The following FGF12 variants were observed in gnomAD, a reference collection of about 807,000 sequenced individuals.
FGF12 encodes fibroblast growth factor 12.
A neutral mutation model predicts 23.6 loss-of-function variants in FGF12; 14 were observed. The ratio of observed to expected loss-of-function variants is 0.59; its 90% CI spans 0.39 to 0.93. FGF12 has a LOEUF of 0.93. Among genes scored for constraint, FGF12 ranks in the 40% least tolerant of loss-of-function variants. The pLI, the probability that FGF12 is intolerant of heterozygous loss-of-function variation, is 0.00. For missense variants in FGF12, 175 were observed against 217.8 expected (o/e 0.80, Z 1.24); for synonymous variants, 62 against 77.3 (o/e 0.80, Z 1.04).
At chr3:192,716,117 G>A (rs1332560144) in intron 2 of FGF12, among the ~76,000 whole-genome samples, 1 of 151,724 alleles carries the variant, frequency 6.6e-6, no homozygotes, top group Non-Finnish European at 1.5e-5. Context: ...ATCTAGACTA[G>A]CAGCATCAAC....
chr3:192,567,980 C>A (rs1336119853), intron 2 of FGF12, among the ~76,000 whole-genome samples: 1 of 151,682 alleles, frequency 6.6e-6, no homozygotes, highest in Non-Finnish European at 1.5e-5. Context: ...TTACAGGCAC[C>A]AGCCATCATG....
intron 3 of FGF12, among the ~76,000 whole-genome samples, chr3:192,352,187 A>G (rs1423118575): frequency 6.6e-6 from 1 of 151,808 alleles, no homozygotes; most frequent in East Asian, 1.9e-4. Flanking sequence ...TTCAGTGTCT[A>G]CAGACCTCTG....
chr3:192,596,081 G>T (rs992976270), intron 2 of FGF12, among the ~76,000 whole-genome samples: 9 of 83,156 alleles, frequency 1.1e-4, no homozygotes. Context: ...GACACAGCCA[G>T]ACCCTGACTC....
intron 2 of FGF12, among the ~76,000 whole-genome samples, chr3:192,552,950 A>T (rs993016632): frequency 3.9e-5 from 6 of 152,108 alleles, no homozygotes; most frequent in African/African-American, 1.4e-4. Flanking sequence ...ATGCCAGAAG[A>T]TCTTGAAACA....
chr3:192,516,777 C>T (rs78260089), intron 2 of FGF12: 1 of 152,292 alleles, frequency 6.6e-6, no homozygotes, highest in South Asian at 2.1e-4. Flanking sequence ...TCTTTAAGCT[C>T]CAAGGTCCTT....
rs529794259 is a variant in FGF12 at position 192,148,619 on chromosome 3, TACC to T, written c.428-4495_428-4493del. Among the ~76,000 whole-genome samples the T allele has an allele frequency of 1.6e-4, 25 of 152,322 alleles. No individual in the cohort carries two copies. In the Middle Eastern group the frequency reaches 0.01, roughly 62 times the overall value. On this transcript the variant is annotated intron_variant, in intron 5 of 5. Coordinates refer to ENST00000445105, the MANE Select transcript of FGF12 (RefSeq NM_004113.6). ...TGGTAAATTTTGTATTATCATATTT[TACC>T]ACAATTAAAAAGCAAACAAACAAAC...
intron 2 of FGF12, among the ~76,000 whole-genome samples, chr3:192,601,164 G>A (rs936035092): frequency 3.3e-5 from 5 of 152,118 alleles, no homozygotes; most frequent in Admixed American, 3.3e-4. Flanking sequence ...GATGGAAGTG[G>A]AGGGCATTAC....
rs144026759 is a variant in FGF12 at position 192,520,159 on chromosome 3, C to T, written c.14-159621G>A. Among the ~76,000 whole-genome samples, 23 of 152,274 alleles carry T rather than the reference C, an allele frequency of 1.5e-4. 1 individual carries two copies. In the East Asian group the frequency reaches 3.7e-3, roughly 24 times the overall value. ...GCTAGGAAATCTATATACACATACACGTACATCATATTTATTTCTACATTT... is the reference window on the plus strand; with the variant it reads ...GCTAGGAAATCTATATACACATACATGTACATCATATTTATTTCTACATTT... On this transcript the variant is annotated intron_variant, in intron 2 of 5. Coordinates refer to ENST00000445105, the MANE Select transcript of FGF12 (RefSeq NM_004113.6).
Position 192,408,533 on chromosome 3 carries a change from G to T in FGF12, c.14-47995C>A. The T allele has an allele frequency of 8.4e-7, 1 of 1,190,636 alleles. No homozygotes were observed. Among genetic ancestry groups the T allele is most frequent in the Non-Finnish European group, 1.0e-6 (1 of 958,468 alleles). 73.8% of individuals were successfully genotyped at this position (1,190,636 alleles called of 1,614,324 possible). Reference sequence around the variant, plus strand: ...GCACCCCAAACTTGCACCCCAAGGCGATCGGCGTCCAAGGGGCAGTGGGGA... The same window carrying T: ...GCACCCCAAACTTGCACCCCAAGGCTATCGGCGTCCAAGGGGCAGTGGGGA... On this transcript the variant is annotated intron_variant, in intron 2 of 5. Transcript: ENST00000445105. The surrounding 1 kb of genome is among the most constrained non-coding windows in gnomAD (Gnocchi z 7.3).
intron 2 of FGF12, among the ~76,000 whole-genome samples, chr3:192,725,194 T>C (rs970744616): frequency 1.3e-5 from 2 of 152,164 alleles, no homozygotes; most frequent in Non-Finnish European, 2.9e-5. Flanking sequence ...AATGTATAAG[T>C]AATTAGCCAT....
At position 192,527,056 on chromosome 3, in the gene FGF12, T is replaced by C. The variant is rs562113674; in HGVS notation, c.14-166518A>G. Among the ~76,000 whole-genome samples, 112 of 152,278 alleles carry C rather than the reference T, an allele frequency of 7.4e-4. 1 individual carries two copies. The highest frequency in any genetic ancestry group is 2.7e-3 in the South Asian group (13 of 4,822). On this transcript the variant is annotated intron_variant, in intron 2 of 5. Coordinates refer to ENST00000445105, the MANE Select transcript of FGF12 (RefSeq NM_004113.6). ...GTTAGAAACTCAATCCCCAAACATA[T>C]ATTGATAAAATTTGGAGGTGGGGCC... is the stretch of plus-strand genomic sequence containing the variant.
At chr3:192,197,674 G>C (rs971448947) in intron 4 of FGF12, among the ~76,000 whole-genome samples, 1 of 152,136 alleles carries the variant, frequency 6.6e-6, no homozygotes, top group Non-Finnish European at 1.5e-5. Context: ...GCCGGATGTG[G>C]TGGCTCACGC....
At chr3:192,677,245 C>T (rs1056233278) in intron 2 of FGF12, among the ~76,000 whole-genome samples, 1 of 152,218 alleles carries the variant, frequency 6.6e-6, no homozygotes, top group East Asian at 1.9e-4. Context: ...TGAGAGTTAA[C>T]TGGGCCTAGT....
intron 2 of FGF12, among the ~76,000 whole-genome samples, chr3:192,589,321 G>C (rs1463383018): frequency 3.5e-5 from 5 of 143,242 alleles, no homozygotes; most frequent in African/African-American, 1.3e-4. Flanking sequence ...GTGACAGAGT[G>C]AGACTCCATC....
intron 4 of FGF12, among the ~76,000 whole-genome samples, chr3:192,271,113 A>C (rs1713408153): frequency 6.6e-6 from 1 of 152,206 alleles, no homozygotes; most frequent in South Asian, 2.1e-4. Context: ...TAACTGTGGC[A>C]TGAAATATCA....
intron 4 of FGF12, among the ~76,000 whole-genome samples, chr3:192,264,436 C>A (rs1343194766): frequency 6.6e-6 from 1 of 151,798 alleles, no homozygotes; most frequent in East Asian, 1.9e-4. Flanking sequence ...GCAAAAAAAG[C>A]TTGCATTCAT....
chr3:192,588,349 CAAAAA>C (rs1201739223), intron 2 of FGF12, among the ~76,000 whole-genome samples: 1 of 66,984 alleles, frequency 1.5e-5, no homozygotes, highest in African/African-American at 5.7e-5. Context: ...CAATCCGTCT[CAAAAA>C]AAAAAAAAAA....
At chr3:192,650,225 G>A (rs1243316101) in intron 2 of FGF12, among the ~76,000 whole-genome samples, 1 of 152,140 alleles carries the variant, frequency 6.6e-6, no homozygotes, top group Non-Finnish European at 1.5e-5. Context: ...ATTTTAATGG[G>A]CCTTCAAAGG....
At chr3:192,432,429 G>A (rs192195048) in intron 2 of FGF12, among the ~76,000 whole-genome samples, 47 of 152,006 alleles carry the variant, frequency 3.1e-4, no homozygotes, top group Non-Finnish European at 5.6e-4. Flanking sequence ...ACTCCCCTTC[G>A]ACATAAGTAG....
Sources: gnomAD v4.1 joint callset for allele counts (sites outside exome capture counted in the v4.1 genomes callset) on GRCh38, gnomAD v4.1.1 for gene constraint, Gnocchi (gnomAD v3.1) non-coding constraint, MANE v1.5 for transcripts, NCBI Gene and HGNC (gene_info 2026-07-23, HGNC 2026-07-21) for gene names.